The following SLC23A2 variants were observed in gnomAD, a reference collection of about 807,000 sequenced individuals.
The protein encoded by SLC23A2 is solute carrier family 23 member 2, also known as Na(+)/L-ascorbic acid transporter 2.
In SLC23A2, 36 loss-of-function variants were observed where a neutral mutation model predicts 73.3. That is an observed-to-expected ratio of 0.49 (90% CI 0.38 to 0.65). SLC23A2 has a LOEUF of 0.65. Ranked by LOEUF, SLC23A2 falls within the 30% of genes least tolerant of loss-of-function variation. The pLI, the probability that SLC23A2 is intolerant of heterozygous loss-of-function variation, is 0.00. For missense variants in SLC23A2, 507 were observed against 841.6 expected, an observed-to-expected ratio of 0.60 and a Z score of 4.92; for synonymous variants, 343 against 327.3, an observed-to-expected ratio of 1.05 and a Z score of -0.52.
At position 4,921,656 on chromosome 20, in the gene SLC23A2, A is replaced by T. The variant is rs1932503949; in HGVS notation, c.109-8678T>A. Among the ~76,000 whole-genome samples, 4 of 151,938 alleles carry T rather than the reference A, an allele frequency of 2.6e-5. No individual in the cohort carries two copies. The South Asian group carries it at 8.3e-4, about 31-fold the overall frequency. ...AAATATCAGTAAAATATTTTCTGTT[A>T]CTACCAAAATAACAGAAAGTGGTGT... On this transcript the variant is annotated intron_variant, in intron 3 of 16. Coordinates refer to ENST00000338244, the MANE Select transcript of SLC23A2 (RefSeq NM_005116.6).
chr20:4,937,813 T>A (rs1050737784), intron 2 of SLC23A2, among the ~76,000 whole-genome samples: 1 of 152,154 alleles, frequency 6.6e-6, no homozygotes, highest in Non-Finnish European at 1.5e-5. Flanking sequence ...TCTGTGAGAC[T>A]TGCTGGTGAT....
intron 6 of SLC23A2, among the ~76,000 whole-genome samples, chr20:4,891,503 C>T (rs1369254129): frequency 6.6e-6 from 1 of 152,218 alleles, no homozygotes; most frequent in Admixed American, 6.5e-5. Context: ...TTACAGCTTT[C>T]TGATGGCCTC....
intron 3 of SLC23A2, among the ~76,000 whole-genome samples, chr20:4,922,789 G>A (rs1161075243): frequency 5.9e-5 from 9 of 151,268 alleles, no homozygotes; most frequent in Non-Finnish European, 8.8e-5. Flanking sequence ...CCAAGATCAC[G>A]CCACTGCACT....
chr20:4,965,152 T>G (rs2087455614), intron 2 of SLC23A2, among the ~76,000 whole-genome samples: 1 of 152,142 alleles, frequency 6.6e-6, no homozygotes, highest in Non-Finnish European at 1.5e-5. Flanking sequence ...ATATAGTCAG[T>G]GTGCTCCCGG....
At chr20:4,997,686 A>C (rs1306252859) in intron 1 of SLC23A2, among the ~76,000 whole-genome samples, 1 of 152,190 alleles carries the variant, frequency 6.6e-6, no homozygotes, top group Admixed American at 6.5e-5. Context: ...GTGCAGTGGC[A>C]CAATCATGGC....
intron 6 of SLC23A2, among the ~76,000 whole-genome samples, chr20:4,893,483 C>T (rs962564764): frequency 2.0e-5 from 3 of 152,164 alleles, no homozygotes; most frequent in African/African-American, 7.2e-5. Context: ...CGCATCCCTC[C>T]ATGCTTCTAA....
intron 3 of SLC23A2, among the ~76,000 whole-genome samples, chr20:4,929,417 G>A (rs946653992): frequency 6.6e-6 from 1 of 152,232 alleles, no homozygotes. Context: ...GGCCAGGCAG[G>A]CTTCCCCACT....
chr20:4,880,811 G>A (rs765048331), intron 9 of SLC23A2, among the ~76,000 whole-genome samples: 4 of 152,036 alleles, frequency 2.6e-5, no homozygotes, highest in Non-Finnish European at 4.4e-5. Flanking sequence ...AGGGCAGCAC[G>A]TGAGGCTCCA....
intron 6 of SLC23A2, among the ~76,000 whole-genome samples, chr20:4,895,158 C>T (rs112828125): frequency 7.9e-5 from 12 of 152,356 alleles, no homozygotes; most frequent in Admixed American, 3.9e-4. Context: ...TTAGAAATCA[C>T]GAAAGCTGGA....
At chr20:4,964,977 GT>G (rs35705776) in intron 2 of SLC23A2, among the ~76,000 whole-genome samples, 1,894 of 151,542 alleles carry the variant, frequency 0.012, 54 homozygotes, top group African/African-American at 0.044. Context: ...ATTATATGTG[GT>G]TTTTTTTCCC....
chr20:4,886,004 C>T, intron 6 of SLC23A2, 95 bp from the exon 7 acceptor site: 1 of 726,278 alleles, frequency 1.4e-6, no homozygotes, highest in Non-Finnish European at 2.3e-6. Context: ...CATAGACATA[C>T]AGCACATGAG....
intron 2 of SLC23A2, among the ~76,000 whole-genome samples, chr20:4,937,128 T>C (rs145433431): frequency 1.5e-4 from 23 of 152,202 alleles, no homozygotes; most frequent in African/African-American, 5.5e-4. Context: ...GGTCAGAAAG[T>C]ATGCGACAAC....
At chr20:4,984,706 C>T (rs1231428911) in intron 1 of SLC23A2, among the ~76,000 whole-genome samples, 1 of 152,202 alleles carries the variant, frequency 6.6e-6, no homozygotes, top group Admixed American at 6.5e-5. Flanking sequence ...AAACCAAAAC[C>T]ACTGCACACC....
intron 4 of SLC23A2, among the ~76,000 whole-genome samples, chr20:4,910,379 G>GAAAAAAA: frequency 7.8e-6 from 1 of 128,214 alleles, no homozygotes; most frequent in Non-Finnish European, 1.7e-5. Flanking sequence ...TCTGTCTCAA[G>GAAAAAAA]AAAAAAAAAA....
chr20:4,950,271 T>G (rs1197083151), intron 2 of SLC23A2, among the ~76,000 whole-genome samples: 1 of 152,258 alleles, frequency 6.6e-6, no homozygotes, highest in Non-Finnish European at 1.5e-5. Context: ...CCACCCATGC[T>G]GCTTCCAGCT....
intron 16 of SLC23A2, among the ~76,000 whole-genome samples, chr20:4,858,715 C>T (rs1176950364): frequency 6.6e-6 from 1 of 152,162 alleles, no homozygotes. Flanking sequence ...AGTCTGTCAT[C>T]CCAAGCTCAG....
intron 11 of SLC23A2, among the ~76,000 whole-genome samples, chr20:4,870,682 GA>G (rs1330210786): frequency 6.6e-6 from 1 of 152,126 alleles, no homozygotes; most frequent in African/African-American, 2.4e-5. Flanking sequence ...AATAACAACT[GA>G]AAGTGCCCTG....
upstream of SLC23A2, among the ~76,000 whole-genome samples, chr20:5,004,737 C>T (rs1051811391): frequency 7.3e-5 from 11 of 151,608 alleles, no homozygotes; most frequent in East Asian, 1.9e-4. Flanking sequence ...CGGTGGCTCA[C>T]GCCTGTAATC....
chr20:4,888,327 C>T (rs751497543), intron 6 of SLC23A2, among the ~76,000 whole-genome samples: 4 of 152,166 alleles, frequency 2.6e-5, no homozygotes, highest in African/African-American at 7.2e-5. Flanking sequence ...AACAGAGACA[C>T]GCAAAGCCTA....
Sources: allele counts gnomAD v4.1 joint callset (sites outside exome capture counted in the v4.1 genomes callset), GRCh38; gene constraint gnomAD v4.1.1; transcripts MANE v1.5; gene names NCBI Gene and HGNC (gene_info 2026-07-23, HGNC 2026-07-21).